FGD4: variants seen among roughly 807,000 people sequenced by gnomAD.
FGD4 encodes the protein FYVE, RhoGEF and PH domain containing 4, also known as FYVE, RhoGEF and PH domain-containing protein 4.
Under a neutral mutation model 102.0 loss-of-function variants are expected in FGD4, and 42 were observed. The observed-to-expected ratio is 0.41, with a 90% CI of 0.32 to 0.53. The LOEUF (loss-of-function observed/expected upper bound fraction) is 0.53, where lower values mean the gene tolerates loss of function less well. Among genes scored for constraint, FGD4 ranks in the 20% least tolerant of loss-of-function variants. FGD4 has a pLI of 0.21. For missense variants in FGD4, 902 were observed against 1,078.2 expected, an observed-to-expected ratio of 0.84 and a Z score of 2.29; for synonymous variants, 380 against 375.7, an observed-to-expected ratio of 1.01 and a Z score of -0.13.
chr12:32,562,455 C>T (rs976552881), intron 1 of FGD4, among the ~76,000 whole-genome samples: 3 of 152,062 alleles, frequency 2.0e-5, no homozygotes, highest in Non-Finnish European at 4.4e-5. Flanking sequence ...GGGTGTTTCT[C>T]GCAGAGGGGG....
chr12:32,613,043 A>T (rs1565906761), intron 10 of FGD4, among the ~76,000 whole-genome samples: 1 of 152,242 alleles, frequency 6.6e-6, no homozygotes, highest in Non-Finnish European at 1.5e-5. Context: ...AGAATAAGCT[A>T]ACATTGAATA....
In FGD4 at chr12:32,594,375, C is replaced by T. The variant is rs141299745; in HGVS notation, c.1012-4122C>T. Among the ~76,000 whole-genome samples, 22 of 152,262 alleles carry T rather than the reference C, an allele frequency of 1.4e-4. No individual in the cohort carries two copies. The East Asian group carries it at 3.3e-3, about 23-fold the overall frequency. On this transcript the variant is annotated intron_variant, in intron 4 of 16. Transcript: ENST00000534526. ...GAGAATCTAATGACCGATGATCTGTCGCTGTCTCCCATCACTCCCAGATGG... is the reference window on the plus strand; with the variant it reads ...GAGAATCTAATGACCGATGATCTGTTGCTGTCTCCCATCACTCCCAGATGG...
intron 1 of FGD4, among the ~76,000 whole-genome samples, chr12:32,432,925 A>C (rs868002961): frequency 6.6e-6 from 1 of 152,216 alleles, no homozygotes; most frequent in Non-Finnish European, 1.5e-5. Context: ...CCTAGTTTAC[A>C]TAGAAACTTT....
chr12:32,514,721 T>G (rs1228744717), intron 1 of FGD4, among the ~76,000 whole-genome samples: 2 of 152,054 alleles, frequency 1.3e-5, no homozygotes, highest in African/African-American at 4.8e-5. Context: ...AAAGGATATA[T>G]TTTACGTATT....
chr12:32,494,372 T>C (rs1263050693), intron 1 of FGD4, among the ~76,000 whole-genome samples: 1 of 152,164 alleles, frequency 6.6e-6, no homozygotes, highest in Non-Finnish European at 1.5e-5. Context: ...ATGGACCAAT[T>C]TATGAGGGAT....
chr12:32,412,517 C>T (rs1442885200), intron 1 of FGD4, among the ~76,000 whole-genome samples: 1 of 152,174 alleles, frequency 6.6e-6, no homozygotes, highest in Non-Finnish European at 1.5e-5. Flanking sequence ...GTGGCCCACA[C>T]CTGTGTTCCA....
intron 4 of FGD4, among the ~76,000 whole-genome samples, chr12:32,591,540 C>T (rs968603263): frequency 2.0e-5 from 3 of 152,188 alleles, no homozygotes; most frequent in South Asian, 2.1e-4. Flanking sequence ...ATCTGCTCCC[C>T]GACTTGGTAG....
intron 16 of FGD4, among the ~76,000 whole-genome samples, chr12:32,639,580 T>C (rs1229099533): frequency 2.6e-5 from 4 of 152,214 alleles, no homozygotes; most frequent in Admixed American, 2.0e-4. Flanking sequence ...TAGCAATTTT[T>C]TTGAGAACCC....
At chr12:32,536,792 C>T (rs1353160658) in intron 1 of FGD4, among the ~76,000 whole-genome samples, 1 of 152,158 alleles carries the variant, frequency 6.6e-6, no homozygotes, top group African/African-American at 2.4e-5. Flanking sequence ...GAGTCTTTCA[C>T]CCTCTTAGAG....
chr12:32,459,252 G>C (rs1243474907), intron 1 of FGD4, among the ~76,000 whole-genome samples: 1 of 139,326 alleles, frequency 7.2e-6, no homozygotes, highest in Non-Finnish European at 1.5e-5. Context: ...GGAATCCATC[G>C]ATACACTCTC....
chr12:32,529,925 C>T (rs1443669605), intron 1 of FGD4, among the ~76,000 whole-genome samples: 1 of 150,298 alleles, frequency 6.7e-6, no homozygotes, highest in Admixed American at 6.6e-5. Flanking sequence ...AATTATATGA[C>T]AGCTAATGTG....
At chr12:32,582,583 G>A (rs555526362) in intron 4 of FGD4, 116 bp downstream of exon 4, 3 of 1,372,498 alleles carry the variant, frequency 2.2e-6, no homozygotes, top group Non-Finnish European at 3.0e-6. Context: ...CACACTGGCA[G>A]TTAAACGATT....
chr12:32,463,966 A>T (rs1943179749), intron 1 of FGD4, among the ~76,000 whole-genome samples: 1 of 152,202 alleles, frequency 6.6e-6, no homozygotes, highest in South Asian at 2.1e-4. Context: ...GAATTCAGTA[A>T]AATTCTAAAT....
At chr12:32,459,404 G>A (rs1433808636) in intron 1 of FGD4, among the ~76,000 whole-genome samples, 1 of 151,934 alleles carries the variant, frequency 6.6e-6, no homozygotes, top group Non-Finnish European at 1.5e-5. Context: ...ATGTTGGCCA[G>A]GCTGGTCTCT....
chr12:32,472,147 G>A (rs1316102107), intron 1 of FGD4, among the ~76,000 whole-genome samples: 2 of 152,188 alleles, frequency 1.3e-5, no homozygotes, highest in Admixed American at 6.5e-5. Context: ...CAGAGCCCTC[G>A]CTTGCTCTCG....
At chr12:32,531,003 G>GT (rs934570735) in intron 1 of FGD4, among the ~76,000 whole-genome samples, 4 of 128,866 alleles carry the variant, frequency 3.1e-5, no homozygotes, top group African/African-American at 1.2e-4. Flanking sequence ...CCAGGCTGGA[G>GT]TGCAGTGGTG....
At chr12:32,587,680 C>G (rs1327027253) in intron 4 of FGD4, among the ~76,000 whole-genome samples, 1 of 152,146 alleles carries the variant, frequency 6.6e-6, no homozygotes, top group African/African-American at 2.4e-5. Flanking sequence ...GCCACTGTGC[C>G]TGGCCAGACA....
intron 1 of FGD4, among the ~76,000 whole-genome samples, chr12:32,556,697 A>G (rs1272063543): frequency 6.6e-6 from 1 of 152,022 alleles, no homozygotes; most frequent in Non-Finnish European, 1.5e-5. Context: ...TCTCTACTAA[A>G]AAATACAAAA....
At chr12:32,532,675 G>A (rs1683665445) in intron 1 of FGD4, among the ~76,000 whole-genome samples, 1 of 151,918 alleles carries the variant, frequency 6.6e-6, no homozygotes, top group Non-Finnish European at 1.5e-5. Context: ...GCATTTTTGT[G>A]ACAGGGAAGT....
Sources: allele counts gnomAD v4.1 joint callset (sites outside exome capture counted in the v4.1 genomes callset), GRCh38; gene constraint gnomAD v4.1.1; transcripts MANE v1.5; gene names NCBI Gene and HGNC (gene_info 2026-07-23, HGNC 2026-07-21).